PITRM1: variants seen among roughly 807,000 people sequenced by gnomAD.
PITRM1 encodes the protein pitrilysin metallopeptidase 1, also known as presequence protease, mitochondrial.
In PITRM1, 100 loss-of-function variants were observed where a neutral mutation model predicts 129.9. That is an observed-to-expected ratio of 0.77 (90% CI 0.65 to 0.91). PITRM1 has a LOEUF of 0.91. Ranked by LOEUF, PITRM1 falls within the 40% of genes least tolerant of loss-of-function variation. The pLI, the probability that PITRM1 is intolerant of heterozygous loss-of-function variation, is 0.00. For missense variants in PITRM1, 1,471 were observed against 1,318.3 expected (o/e 1.12, Z -1.79); for synonymous variants, 591 against 508.8 (o/e 1.16, Z -2.17).
Position 3,172,729 on chromosome 10 carries a change from C to T in PITRM1, c.44G>A (p.Arg15Gln). 1.3e-6 allele frequency: 2 copies of T among 1,542,980 alleles called. No homozygotes were observed. Among genetic ancestry groups the T allele is most frequent in the East Asian group, 2.5e-5 (1 of 40,548 alleles). Residue 15 changes from arginine to glutamine, a missense_variant, in exon 1 of 27, where the codon CGG (arginine) becomes CAG (glutamine). Physicochemically the swap from Arg to Gln is conservative, Grantham distance 43 (BLOSUM62 1). Transcript: ENST00000224949. ...CGCAGCGTCTCACCCGCCGCTCAGC[C>T]GCCTCAGCACACACAGGCCCTGCCG... ...GGRQGLCVLR[R>Q]LSGGHAHHRA... is the part of the protein sequence containing the mutation.
intron 14 of PITRM1, among the ~76,000 whole-genome samples, chr10:3,155,344 C>T (rs991756663): frequency 2.0e-5 from 3 of 152,228 alleles, no homozygotes; most frequent in East Asian, 3.8e-4. Context: ...AAAGTATTTA[C>T]AAAATCTGTA....
rs766307680 is a variant in PITRM1 at position 3,159,054 on chromosome 10, A to G, written c.1008-12T>C. On this transcript the variant is annotated splice_polypyrimidine_tract_variant and intron_variant, in intron 9 of 26. Coordinates refer to ENST00000224949, the MANE Select transcript of PITRM1 (RefSeq NM_014889.4). Reference sequence around the variant, plus strand: ...ATGTGTCGGTGATGCTGCATTGAAAAAAAAAGGAACGGGGAGGTAAGAAAA... The same window carrying G: ...ATGTGTCGGTGATGCTGCATTGAAAGAAAAAGGAACGGGGAGGTAAGAAAA... 1.2e-6 allele frequency: 2 copies of G among 1,604,364 alleles called. No individual in the cohort carries two copies. The highest frequency in any genetic ancestry group is 2.3e-5 in the South Asian group (2 of 88,726).
intron 20 of PITRM1, 82 bp from the exon 21 acceptor site, chr10:3,145,798 A>G (rs1840800579): frequency 8.9e-7 from 1 of 1,118,032 alleles, no homozygotes; most frequent in Admixed American, 2.1e-5. Flanking sequence ...ATAACTCAAT[A>G]ATGTTGTTTT....
chr10:3,150,383 G>C (rs567564137), intron 15 of PITRM1, among the ~76,000 whole-genome samples: 1 of 152,108 alleles, frequency 6.6e-6, no homozygotes, highest in Non-Finnish European at 1.5e-5. Flanking sequence ...TGTCAGCCTC[G>C]AGTTCCACTC....
chr10:3,168,438 G>T (rs1466258362), intron 2 of PITRM1, among the ~76,000 whole-genome samples: 2 of 147,096 alleles, frequency 1.4e-5, no homozygotes, highest in African/African-American at 5.4e-5. Flanking sequence ...GCTGGACACA[G>T]TGGCTCACAC....
At chr10:3,160,537 T>C (rs1028594906) in intron 7 of PITRM1, among the ~76,000 whole-genome samples, 14 of 152,220 alleles carry the variant, frequency 9.2e-5, no homozygotes, top group African/African-American at 3.4e-4. Flanking sequence ...AGTATATTGT[T>C]ATAATTGTTC....
At chr10:3,149,474 C>T in intron 16 of PITRM1, 147 bp downstream of exon 16, 1 of 719,958 alleles carries the variant, frequency 1.4e-6, no homozygotes, top group South Asian at 3.2e-5. Flanking sequence ...ATAAAAAATT[C>T]TAAACCAATA....
intron 20 of PITRM1, chr10:3,146,167 GA>G (rs1840840087): frequency 6.1e-6 from 1 of 164,902 alleles, no homozygotes; most frequent in Admixed American, 5.8e-5. Context: ...CATGAAAATA[GA>G]ACTCTTCCAA....
At position 3,168,426 on chromosome 10, in the gene PITRM1, T is replaced by TTCTCATGAGAGCTGAC. The variant is rs1554803207; in HGVS notation, c.160-1385_160-1384insGTCAGCTCTCATGAGA. On this transcript the variant is annotated intron_variant, in intron 2 of 26. Transcript: ENST00000224949. ...AATCATGACTTATCGTAAGTTTCTA[T>TTCTCATGAGAGCTGAC]GGCTGGACACAGTGGCTCACACCTA... Among the ~76,000 whole-genome samples the TTCTCATGAGAGCTGAC allele has an allele frequency of 4.8e-4, 73 of 151,516 alleles. 1 individual carries two copies. The highest frequency in any genetic ancestry group is 1.5e-3 in the African/African-American group (60 of 40,798).
chr10:3,171,183 A>AAAAAAAAAAAAAT, intron 1 of PITRM1, among the ~76,000 whole-genome samples: 1 of 146,600 alleles, frequency 6.8e-6, no homozygotes, highest in African/African-American at 2.5e-5. Context: ...AAAAAAAAAA[A>AAAAAAAAAAAAAT]ACCTTACCAA....
chr10:3,154,121 G>A (rs1225343827), intron 14 of PITRM1, among the ~76,000 whole-genome samples: 1 of 152,164 alleles, frequency 6.6e-6, no homozygotes, highest in Non-Finnish European at 1.5e-5. Context: ...GGCTTCCCAT[G>A]AATGGCCTCA....
In PITRM1 at chr10:3,157,019, A is replaced by G; in HGVS notation, c.1393T>C (p.Leu465=). The change falls in exon 13 of 27, where the codon TTG becomes CTG. Residue 465 remains leucine, a synonymous_variant. Coordinates refer to ENST00000224949, the MANE Select transcript of PITRM1 (RefSeq NM_014889.4). ...WNHDGDPVEL[L]KLGNQLAKFR... ...TTAGCTAACTGATTTCCCAACTTCAAGAGCTCCACAGGGTCCCCATCATGG... is the reference window on the plus strand; with the variant it reads ...TTAGCTAACTGATTTCCCAACTTCAGGAGCTCCACAGGGTCCCCATCATGG... 6.2e-7 allele frequency: 1 copy of G among 1,610,622 alleles called. No homozygotes were observed. The highest frequency in any genetic ancestry group is 8.5e-7 in the Non-Finnish European group (1 of 1,179,050).
chr10:3,157,559 G>A (rs770503639), intron 11 of PITRM1, 28 bp from the exon 12 acceptor site: 2 of 1,414,882 alleles, frequency 1.4e-6, no homozygotes, highest in Non-Finnish European at 2.0e-6. Context: ...GAACAAAGAT[G>A]GGCCAGACAC....
At chr10:3,145,917 A>T (rs1840813455) in intron 20 of PITRM1, 4 of 563,072 alleles carry the variant, frequency 7.1e-6, no homozygotes, top group Non-Finnish European at 1.3e-5. Context: ...CGCACAGTTC[A>T]ATGTGGCAGC....
chr10:3,167,127 G>C (rs1435893800), intron 2 of PITRM1, 85 bp from the exon 3 acceptor site: 1 of 752,310 alleles, frequency 1.3e-6, no homozygotes, highest in East Asian at 2.7e-5. Flanking sequence ...GAGAAAACTG[G>C]CTTTTCTGCC....
chr10:3,159,780 C>T (rs536798415), intron 9 of PITRM1, 68 bp downstream of exon 9: 6 of 927,134 alleles, frequency 6.5e-6, no homozygotes, highest in East Asian at 2.6e-5. Context: ...AACTCACTTC[C>T]GAACCTTCTA....
rs750319721 is a variant in PITRM1 at position 3,158,917 on chromosome 10, A to G, written c.1133T>C (p.Val378Ala). ...SGLGTDFSPD[V>A]GYNGYTREAY... ...TCTAATCTAATCATAAACTCACCCA[A>G]CATCAGGAGAAAAGTCTGTGCCAAG... The change falls in exon 10 of 27, where the codon GTT becomes GCT. Residue 378 changes from valine (V) to alanine (A), a missense_variant. Physicochemically the swap from Val to Ala is moderately conservative, Grantham distance 64. Transcript: ENST00000224949. 1.2e-5 allele frequency: 19 copies of G among 1,612,936 alleles called. No homozygotes were observed. In the East Asian group the frequency reaches 4.0e-4, roughly 34 times the overall value.
chr10:3,160,722 C>T (rs1463846664), intron 7 of PITRM1, among the ~76,000 whole-genome samples: 5 of 151,232 alleles, frequency 3.3e-5, no homozygotes, highest in African/African-American at 4.9e-5. Flanking sequence ...CCTCAGTAGC[C>T]GGGACTACCA....
chr10:3,138,232 C>T lies in PITRM1; in HGVS notation c.3020+3G>A. The T allele has an allele frequency of 3.1e-6, 5 of 1,610,644 alleles. No individual in the cohort carries two copies. The highest frequency in any genetic ancestry group is 1.7e-4 in the Middle Eastern group (1 of 6,056). ...GACGCTGTCTCCCCCGCTCCCCACTCACCTATCGCTCACGGCCAGGAGCTT... is the reference window on the plus strand; with the variant it reads ...GACGCTGTCTCCCCCGCTCCCCACTTACCTATCGCTCACGGCCAGGAGCTT... On this transcript the variant is annotated splice_donor_region_variant and intron_variant, in intron 26 of 26. Transcript: ENST00000224949.
Sources: gnomAD v4.1 joint callset for allele counts (sites outside exome capture counted in the v4.1 genomes callset) on GRCh38, gnomAD v4.1.1 for gene constraint, MANE v1.5 for transcripts, NCBI Gene and HGNC (gene_info 2026-07-23, HGNC 2026-07-21) for gene names.